CACNA2D3: variants seen among roughly 807,000 people sequenced by gnomAD.
CACNA2D3 encodes the protein calcium voltage-gated channel auxiliary subunit alpha2delta 3.
In CACNA2D3, 60 loss-of-function variants were observed where a neutral mutation model predicts 160.6. The observed-to-expected ratio is 0.37, with a 90% CI of 0.30 to 0.46. CACNA2D3 has a LOEUF of 0.46. Ranked by LOEUF, CACNA2D3 falls within the 20% of genes least tolerant of loss-of-function variation. The probability of loss-of-function intolerance (pLI) is 1.00; values close to 1 mark genes in which losing one functional copy is unlikely to be tolerated. For missense variants in CACNA2D3, 1,205 were observed against 1,365.0 expected, an observed-to-expected ratio of 0.88 and a Z score of 1.85; for synonymous variants, 558 against 492.9, an observed-to-expected ratio of 1.13 and a Z score of -1.75.
chr3:54,917,676 A>G (rs562374921), intron 27 of CACNA2D3, among the ~76,000 whole-genome samples: 27 of 152,366 alleles, frequency 1.8e-4, no homozygotes, highest in African/African-American at 6.3e-4. Context: ...GGAAGGTTCC[A>G]ATCCCTTGGT....
At chr3:54,864,833 C>G (rs908255434) in intron 17 of CACNA2D3, among the ~76,000 whole-genome samples, 1 of 152,172 alleles carries the variant, frequency 6.6e-6, no homozygotes, top group Non-Finnish European at 1.5e-5. Context: ...GGCTCAGAAA[C>G]GAGGTTGGGC....
At chr3:54,821,835 G>A (rs1322101412) in intron 14 of CACNA2D3, among the ~76,000 whole-genome samples, 1 of 151,686 alleles carries the variant, frequency 6.6e-6, no homozygotes, top group Non-Finnish European at 1.5e-5. Flanking sequence ...CAATTGCGAG[G>A]CATCATTTAT....
intron 4 of CACNA2D3, among the ~76,000 whole-genome samples, chr3:54,463,082 T>G (rs1464201875): frequency 3.9e-5 from 6 of 152,072 alleles, no homozygotes; most frequent in Non-Finnish European, 7.4e-5. Flanking sequence ...ATTCTTTTCT[T>G]TAAGAATGTT....
Position 55,050,604 on chromosome 3 carries a change from G to A in CACNA2D3, c.2988-22841G>A, listed in dbSNP as rs1476065224. ...GTCTTGGAGTTGCTCTTCTCGAGGA[G>A]TATCTTTGTGGCGTTCTCTGTATTT... is the stretch of plus-strand genomic sequence containing the variant. On this transcript the variant is annotated intron_variant, in intron 35 of 37. Coordinates refer to ENST00000474759, the MANE Select transcript of CACNA2D3 (RefSeq NM_018398.3). Among the ~76,000 whole-genome samples the A allele has an allele frequency of 3.6e-5, 5 of 139,240 alleles. No individual in the cohort carries two copies. The East Asian group carries it at 1.1e-3, about 29-fold the overall frequency. The allele number at this position is 139,240 out of a possible 152,430, so 91.3% of individuals were successfully genotyped here. A position where few individuals can be genotyped will look rare whatever the true frequency, so the allele number is the denominator to read the frequency against.
At chr3:54,533,711 C>T (rs549982926) in intron 5 of CACNA2D3, among the ~76,000 whole-genome samples, 3 of 151,696 alleles carry the variant, frequency 2.0e-5, no homozygotes, top group South Asian at 2.1e-4. Flanking sequence ...GTACCAGGCT[C>T]GAAATATTGG....
chr3:54,288,000 C>T (rs370521676), intron 2 of CACNA2D3, among the ~76,000 whole-genome samples: 5,364 of 151,690 alleles, frequency 0.035, 141 homozygotes, highest in Non-Finnish European at 0.052. Flanking sequence ...GACACCCTAA[C>T]ATCACAAAAG....
At chr3:54,755,977 C>A (rs1448394875) in intron 12 of CACNA2D3, among the ~76,000 whole-genome samples, 1 of 152,146 alleles carries the variant, frequency 6.6e-6, no homozygotes, top group Admixed American at 6.5e-5. Context: ...ACTAATATTA[C>A]ACCATAATTT....
chr3:54,153,931 G>A (rs185169580), intron 2 of CACNA2D3, among the ~76,000 whole-genome samples: 43 of 152,240 alleles, frequency 2.8e-4, no homozygotes, highest in South Asian at 4.1e-4. Flanking sequence ...CCTTCAGAGC[G>A]TCCATTTTGG....
chr3:54,374,297 A>T (rs751650742), intron 3 of CACNA2D3, among the ~76,000 whole-genome samples: 3 of 152,216 alleles, frequency 2.0e-5, no homozygotes, highest in Non-Finnish European at 4.4e-5. Context: ...CCATCTGCAC[A>T]TGCCCACATA....
At chr3:54,401,256 C>G (rs1699458328) in intron 4 of CACNA2D3, among the ~76,000 whole-genome samples, 2 of 152,082 alleles carry the variant, frequency 1.3e-5, no homozygotes, top group South Asian at 2.1e-4. Context: ...GAAATGCCAT[C>G]AAGTGAACAA....
chr3:54,273,436 A>G (rs1702662668), intron 2 of CACNA2D3, among the ~76,000 whole-genome samples: 1 of 151,660 alleles, frequency 6.6e-6, no homozygotes, highest in Admixed American at 6.6e-5. Flanking sequence ...TCCCTGCTTT[A>G]TTTCCCACTG....
intron 3 of CACNA2D3, among the ~76,000 whole-genome samples, chr3:54,327,260 C>G (rs1356956122): frequency 2.6e-5 from 4 of 152,234 alleles, no homozygotes; most frequent in Admixed American, 1.3e-4. Context: ...TTGTCCACCC[C>G]CTTGGGGGTA....
At chr3:54,204,256 T>TC (rs936786449) in intron 2 of CACNA2D3, among the ~76,000 whole-genome samples, 2 of 152,074 alleles carry the variant, frequency 1.3e-5, no homozygotes, top group African/African-American at 2.4e-5. Context: ...AGCCAATTCC[T>TC]CATAATAAAT....
chr3:55,021,553 T>A (rs1418365672), intron 35 of CACNA2D3, among the ~76,000 whole-genome samples: 1 of 149,880 alleles, frequency 6.7e-6, no homozygotes, highest in Non-Finnish European at 1.5e-5. Context: ...TAAGCATATA[T>A]ATGTCTAGGT....
intron 4 of CACNA2D3, among the ~76,000 whole-genome samples, chr3:54,498,044 T>G (rs1220883355): frequency 7.2e-6 from 1 of 139,052 alleles, no homozygotes; most frequent in Non-Finnish European, 1.6e-5. Context: ...TGGCATATAG[T>G]TTTTTTTTTT....
At chr3:54,165,027 C>A (rs1183411517) in intron 2 of CACNA2D3, among the ~76,000 whole-genome samples, 1 of 152,044 alleles carries the variant, frequency 6.6e-6, no homozygotes, top group Non-Finnish European at 1.5e-5. Context: ...AAAAGAGAAG[C>A]AGCCAGAAAA....
chr3:54,228,261 G>C (rs1248378883), intron 2 of CACNA2D3, among the ~76,000 whole-genome samples: 1 of 152,172 alleles, frequency 6.6e-6, no homozygotes, highest in Non-Finnish European at 1.5e-5. Context: ...GGATGGTATA[G>C]CAGAAACCGG....
At position 54,606,669 on chromosome 3, in the gene CACNA2D3, G is replaced by A. The variant is rs149411081; in HGVS notation, c.964-21118G>A. ...AAGTGAGTTGAATTCGGAGGCTCCC[G>A]CTCGCTCCATTCCAGCCTGCATTTG... On this transcript the variant is annotated intron_variant, in intron 9 of 37. Coordinates refer to ENST00000474759, the MANE Select transcript of CACNA2D3 (RefSeq NM_018398.3). Among the ~76,000 whole-genome samples, 28 of 152,176 alleles carry A rather than the reference G, an allele frequency of 1.8e-4. No homozygotes were observed. The South Asian group carries it at 2.5e-3, about 14-fold the overall frequency.
chr3:54,175,018 G>A (rs944613197), intron 2 of CACNA2D3, among the ~76,000 whole-genome samples: 3 of 152,078 alleles, frequency 2.0e-5, no homozygotes, highest in African/African-American at 7.2e-5. Flanking sequence ...AGTGAGGCAC[G>A]GCCAGCTCCA....
Sources: allele counts gnomAD v4.1 joint callset (sites outside exome capture counted in the v4.1 genomes callset), GRCh38; gene constraint gnomAD v4.1.1; transcripts MANE v1.5; gene names NCBI Gene and HGNC (gene_info 2026-07-23, HGNC 2026-07-21).